The following SGCD variants were observed in gnomAD, a reference collection of about 807,000 sequenced individuals.
SGCD encodes delta-sarcoglycan.
SGCD carries 18 observed loss-of-function variants against 36.6 expected under a neutral mutation model. The ratio of observed to expected loss-of-function variants is 0.49; its 90% CI spans 0.34 to 0.73. The LOEUF (loss-of-function observed/expected upper bound fraction) is 0.73, where lower values mean the gene tolerates loss of function less well. Among genes scored for constraint, SGCD ranks in the 30% least tolerant of loss-of-function variants. The pLI is 0.01. For synonymous variants in SGCD, 133 were observed against 130.6 expected, an observed-to-expected ratio of 1.02 and a Z score of -0.12; for missense variants, 387 against 346.7, an observed-to-expected ratio of 1.12 and a Z score of -0.92.
intron 1 of SGCD, among the ~76,000 whole-genome samples, chr5:156,058,815 G>A (rs1468226116): frequency 1.4e-5 from 2 of 145,750 alleles, no homozygotes; most frequent in Non-Finnish European, 3.1e-5. Flanking sequence ...TGGCCTCAAA[G>A]TAACCTGGAG....
intron 1 of SGCD, among the ~76,000 whole-genome samples, chr5:156,082,755 C>T (rs1760990104): frequency 6.6e-6 from 1 of 152,150 alleles, no homozygotes; most frequent in African/African-American, 2.4e-5. Context: ...ATCAGGATCG[C>T]ATAAATTGGA....
intron 1 of SGCD, among the ~76,000 whole-genome samples, chr5:156,055,139 C>T (rs1760027355): frequency 7.4e-6 from 1 of 134,238 alleles, no homozygotes; most frequent in South Asian, 2.2e-4. Flanking sequence ...TGCCAGCTTC[C>T]AGTTTTCTAT....
intron 3 of SGCD, among the ~76,000 whole-genome samples, chr5:156,276,796 C>T (rs1334091052): frequency 1.3e-5 from 2 of 152,044 alleles, no homozygotes; most frequent in East Asian, 3.8e-4. Context: ...AAAATGTATA[C>T]ATTAGCTAGC....
chr5:156,466,955 C>T (rs115134946), intron 3 of SGCD, among the ~76,000 whole-genome samples: 3,098 of 151,934 alleles, frequency 0.02, 89 homozygotes, highest in African/African-American at 0.064. Flanking sequence ...TAGTGTATGC[C>T]GATCACTCAA....
chr5:156,498,083 C>T (rs556100281), intron 3 of SGCD, among the ~76,000 whole-genome samples: 2 of 152,196 alleles, frequency 1.3e-5, no homozygotes, highest in African/African-American at 4.8e-5. Flanking sequence ...CTTTAGTAAA[C>T]CCACACAAAG....
intron 1 of SGCD, among the ~76,000 whole-genome samples, chr5:156,078,552 T>C (rs1377177862): frequency 7.6e-6 from 1 of 132,282 alleles, no homozygotes; most frequent in Admixed American, 7.9e-5. Flanking sequence ...TTTATATATA[T>C]ATTTATATTT....
chr5:156,218,331 C>T (rs890381938), intron 3 of SGCD, among the ~76,000 whole-genome samples: 1 of 151,974 alleles, frequency 6.6e-6, no homozygotes, highest in African/African-American at 2.4e-5. Flanking sequence ...ACATATATCA[C>T]TCTTTGGGGG....
intron 7 of SGCD, among the ~76,000 whole-genome samples, chr5:156,701,711 C>T (rs1216756816): frequency 6.6e-6 from 1 of 152,116 alleles, no homozygotes; most frequent in Admixed American, 6.6e-5. Context: ...TTTCATTTTA[C>T]AAGGGTGTTT....
intron 3 of SGCD, among the ~76,000 whole-genome samples, chr5:156,505,220 A>G (rs1756645727): frequency 6.6e-6 from 1 of 152,170 alleles, no homozygotes; most frequent in African/African-American, 2.4e-5. Context: ...GACACGTGCC[A>G]TGTCCCCCAG....
At chr5:155,921,692 G>C (rs1756883275) in intron 1 of SGCD, among the ~76,000 whole-genome samples, 1 of 152,092 alleles carries the variant, frequency 6.6e-6, no homozygotes, top group African/African-American at 2.4e-5. Context: ...CAGGCAAAAA[G>C]CAACACTTTC....
intron 1 of SGCD, among the ~76,000 whole-genome samples, chr5:156,042,774 T>A (rs1216515239): frequency 6.6e-6 from 1 of 152,132 alleles, no homozygotes; most frequent in Non-Finnish European, 1.5e-5. Context: ...AAGGCCAATC[T>A]TAGGTTCTGT....
chr5:156,701,814 A>G (rs562616262), intron 7 of SGCD, among the ~76,000 whole-genome samples: 93 of 152,204 alleles, frequency 6.1e-4, no homozygotes, highest in Non-Finnish European at 9.6e-4. Flanking sequence ...CCAATATTAT[A>G]ATGTATGTTT....
In SGCD at chr5:156,032,798, A is replaced by G. The variant is rs552496365; in HGVS notation, c.-281-85080A>G. ...GAAGCTCAAATTTGGGGCGTGGCAC[A>G]GTGACTCACATCTGTAATTGTAGCA... On this transcript the variant is annotated intron_variant, in intron 1 of 9. Transcript: ENST00000517913. 5.5e-4 allele frequency among the ~76,000 whole-genome samples: 83 copies of G among 150,224 alleles called. 1 individual carries two copies. Among genetic ancestry groups the G allele is most frequent in the African/African-American group, 1.9e-3 (79 of 40,814 alleles).
Position 156,635,379 on chromosome 5 carries a change from G to A in SGCD, c.503-12085G>A, listed in dbSNP as rs192705304. 3.4e-3 allele frequency among the ~76,000 whole-genome samples: 513 copies of A among 152,218 alleles called. 3 individuals are homozygous for A. Among genetic ancestry groups the A allele is most frequent in the African/African-American group, 0.012 (485 of 41,520 alleles). On this transcript the variant is annotated intron_variant, in intron 6 of 8. Transcript: ENST00000337851. ...AGAATGGCGATCATTAAAAAGTCAG[G>A]GAACAACAGATGCTGGAGAGGATGT...
At chr5:156,581,209 G>A (rs1394156834) in intron 4 of SGCD, among the ~76,000 whole-genome samples, 2 of 152,222 alleles carry the variant, frequency 1.3e-5, no homozygotes, top group African/African-American at 4.8e-5. Flanking sequence ...GACCCTGTTT[G>A]CCTGAGTATC....
rs1429601682 is a variant in SGCD, at chr5:156,764,168, G to A, written c.*4778G>A. 4 of 152,590 alleles carry A rather than the reference G, an allele frequency of 2.6e-5. No individual in the cohort carries two copies. The highest frequency in any genetic ancestry group is 4.4e-5 in the Non-Finnish European group (3 of 67,990). 9.5% of individuals were successfully genotyped at this position (152,590 alleles called of 1,614,324 possible). On this transcript the variant is annotated 3_prime_UTR_variant, in exon 9 of 9. Coordinates refer to ENST00000337851, the MANE Select transcript of SGCD (RefSeq NM_000337.6). Reference sequence around the variant, plus strand: ...AGTTATAATATAAGAAACAACCTTCGAAAACAGGCCTTTTATCTCAAAGAT... The same window carrying A: ...AGTTATAATATAAGAAACAACCTTCAAAAACAGGCCTTTTATCTCAAAGAT...
At position 155,929,974 on chromosome 5, in the gene SGCD, CA is replaced by C. The variant is rs1276703785; in HGVS notation, c.-282+59552del. 2.0e-5 allele frequency among the ~76,000 whole-genome samples: 3 copies of C among 152,124 alleles called. No homozygotes were observed. In the East Asian group the frequency reaches 5.8e-4, roughly 29 times the overall value. ...GTCCTTTAAAGCTCAAATGTCTCCT[CA>C]ATGCATAATTTACAGGGTCCTACAG... On this transcript the variant is annotated intron_variant, in intron 1 of 9. Coordinates refer to the SGCD transcript ENST00000517913.
chr5:156,476,703 C>A (rs1385126248), intron 3 of SGCD, among the ~76,000 whole-genome samples: 1 of 152,168 alleles, frequency 6.6e-6, no homozygotes, highest in Admixed American at 6.5e-5. Flanking sequence ...AATCCCAAAC[C>A]TCTTCAGCAA....
intron 3 of SGCD, among the ~76,000 whole-genome samples, chr5:156,279,998 C>G (rs1236369177): frequency 2.0e-5 from 3 of 152,048 alleles, no homozygotes; most frequent in Non-Finnish European, 4.4e-5. Context: ...CACACACACA[C>G]ACACACACAA....
Sources: gnomAD v4.1 joint callset for allele counts (sites outside exome capture counted in the v4.1 genomes callset) on GRCh38, gnomAD v4.1.1 for gene constraint, MANE v1.5 for transcripts, NCBI Gene and HGNC (gene_info 2026-07-23, HGNC 2026-07-21) for gene names.